Variants in ADAMTSL1 observed in about 807,000 individuals in gnomAD.
ADAMTSL1 encodes ADAMTS like 1.
A neutral mutation model predicts 201.8 loss-of-function variants in ADAMTSL1; 126 were observed. The observed-to-expected ratio is 0.62, with a 90% CI of 0.54 to 0.72. ADAMTSL1 has a LOEUF of 0.72. Ranked by LOEUF, ADAMTSL1 falls within the 30% of genes least tolerant of loss-of-function variation. The pLI is 0.00. For missense variants in ADAMTSL1, 2,679 were observed against 2,277.8 expected, an observed-to-expected ratio of 1.18 and a Z score of -3.59; for synonymous variants, 1,121 against 903.4, an observed-to-expected ratio of 1.24 and a Z score of -4.32.
At chr9:18,824,962 C>T (rs1362114786) in intron 21 of ADAMTSL1, among the ~76,000 whole-genome samples, 2 of 152,090 alleles carry the variant, frequency 1.3e-5, no homozygotes, top group Non-Finnish European at 2.9e-5. Context: ...TCCCAAAGTG[C>T]TGGGATTACA....
intron 1 of ADAMTSL1, among the ~76,000 whole-genome samples, chr9:18,118,663 A>T (rs1439589677): frequency 5.9e-5 from 9 of 152,196 alleles, no homozygotes; most frequent in Non-Finnish European, 1.3e-4. Flanking sequence ...TAGAATGCAG[A>T]TGGGACAATT....
At chr9:17,932,942 T>C (rs1288861434) in intron 1 of ADAMTSL1, among the ~76,000 whole-genome samples, 1 of 152,144 alleles carries the variant, frequency 6.6e-6, no homozygotes, top group Non-Finnish European at 1.5e-5. Context: ...CTTCCTATTA[T>C]CTGGATTTGA....
intron 1 of ADAMTSL1, among the ~76,000 whole-genome samples, chr9:17,991,180 C>T (rs757591014): frequency 6.6e-6 from 1 of 152,046 alleles, no homozygotes; most frequent in Non-Finnish European, 1.5e-5. Context: ...ATATTTTGAC[C>T]TCTACTTAAA....
intron 1 of ADAMTSL1, among the ~76,000 whole-genome samples, chr9:18,109,410 A>G (rs984698237): frequency 6.6e-6 from 1 of 152,106 alleles, no homozygotes; most frequent in Admixed American, 6.6e-5. Flanking sequence ...ACTTCTGTGT[A>G]TCATATGTTG....
intron 1 of ADAMTSL1, among the ~76,000 whole-genome samples, chr9:18,163,456 C>T (rs1265723086): frequency 1.3e-5 from 2 of 151,954 alleles, no homozygotes; most frequent in Admixed American, 6.6e-5. Context: ...TTTAACTGGA[C>T]ATGGGGACCC....
chr9:18,878,501 C>T (rs1374848848), intron 23 of ADAMTSL1, among the ~76,000 whole-genome samples: 1 of 152,216 alleles, frequency 6.6e-6, no homozygotes, highest in Non-Finnish European at 1.5e-5. Context: ...TTTTTCTCAG[C>T]TCTCTAAATT....
chr9:18,825,771 G>GT (rs58274847), intron 21 of ADAMTSL1, among the ~76,000 whole-genome samples: 7,106 of 143,690 alleles, frequency 0.049, 183 homozygotes, highest in South Asian at 0.099. Flanking sequence ...ATGTTACCAG[G>GT]TTTTTTTTTT....
chr9:18,568,896 A>C (rs1485649696), intron 3 of ADAMTSL1, among the ~76,000 whole-genome samples: 1 of 152,180 alleles, frequency 6.6e-6, no homozygotes, highest in Non-Finnish European at 1.5e-5. Context: ...TAGGACTACC[A>C]CTGAATATTT....
chr9:18,867,097 A>G (rs1049344315), intron 23 of ADAMTSL1, among the ~76,000 whole-genome samples: 2 of 152,200 alleles, frequency 1.3e-5, no homozygotes, highest in African/African-American at 2.4e-5. Context: ...GAAACTATGT[A>G]CCTCAAGTTC....
Position 18,550,351 on chromosome 9 carries a change from C to T in ADAMTSL1, c.237+17059C>T, listed in dbSNP as rs547621029. ...ATCACACAGACTCCTAAAAGCAGAG[C>T]GCTTTCCTCAGCTGGAGGCAGAAAT... is the stretch of plus-strand genomic sequence containing the variant. On this transcript the variant is annotated intron_variant, in intron 3 of 28. Coordinates refer to ENST00000380548, the MANE Select transcript of ADAMTSL1 (RefSeq NM_001040272.6). Among the ~76,000 whole-genome samples the T allele has an allele frequency of 6.8e-4, 103 of 151,990 alleles. 1 individual carries two copies. The South Asian group carries it at 0.021, about 31-fold the overall frequency.
At chr9:18,057,632 T>C (rs545111307) in intron 1 of ADAMTSL1, among the ~76,000 whole-genome samples, 51 of 152,196 alleles carry the variant, frequency 3.4e-4, no homozygotes, top group Non-Finnish European at 5.4e-4. Context: ...GACCGTGGCC[T>C]ATGGGTCCTG....
At chr9:18,332,258 A>G (rs1835059087) in intron 2 of ADAMTSL1, among the ~76,000 whole-genome samples, 1 of 152,206 alleles carries the variant, frequency 6.6e-6, no homozygotes, top group Non-Finnish European at 1.5e-5. Context: ...TTTATGTACT[A>G]TTTGAGAAAA....
intron 13 of ADAMTSL1, among the ~76,000 whole-genome samples, chr9:18,703,153 T>TTCCCTCTA (rs1201413716): frequency 4.6e-5 from 7 of 152,158 alleles, no homozygotes; most frequent in African/African-American, 1.7e-4. Flanking sequence ...AAAAAAAAAT[T>TTCCCTCTA]TCCCTCTATT....
chr9:17,941,283 T>C (rs886673598), intron 1 of ADAMTSL1, among the ~76,000 whole-genome samples: 13 of 152,116 alleles, frequency 8.5e-5, no homozygotes, highest in African/African-American at 3.1e-4. Context: ...ACTTCTAATT[T>C]ACCCAATGAG....
At chr9:18,649,372 C>T (rs147321688) in intron 7 of ADAMTSL1, among the ~76,000 whole-genome samples, 1,952 of 152,170 alleles carry the variant, frequency 0.013, 48 homozygotes, top group African/African-American at 0.044. Context: ...TCGTCTGAAG[C>T]CTTCTTCTCT....
rs527517961 is a variant in ADAMTSL1, at chr9:18,452,160, G to A, written c.208-52669G>A. 5.9e-5 allele frequency among the ~76,000 whole-genome samples: 9 copies of A among 152,062 alleles called. No homozygotes were observed. In the South Asian group the frequency reaches 1.2e-3, roughly 21 times the overall value. On this transcript the variant is annotated intron_variant, in intron 2 of 29. Transcript: ENST00000680146. ...ACTCCTGACCTCAGGTGATCCACCC[G>A]CCTCAGCCTCCGAAAGTGCTGGGAT...
intron 1 of ADAMTSL1, among the ~76,000 whole-genome samples, chr9:17,937,699 G>T (rs1177847216): frequency 3.9e-5 from 6 of 152,074 alleles, no homozygotes; most frequent in Non-Finnish European, 8.8e-5. Context: ...TGCACTGCTG[G>T]CCATATATTA....
chr9:18,058,834 C>G (rs539196676), intron 1 of ADAMTSL1, among the ~76,000 whole-genome samples: 25 of 152,268 alleles, frequency 1.6e-4, no homozygotes, highest in Middle Eastern at 3.4e-3. Flanking sequence ...AAGAACAATT[C>G]CAGTAAAAGA....
intron 15 of ADAMTSL1, among the ~76,000 whole-genome samples, chr9:18,733,346 A>G (rs1040825526): frequency 6.6e-5 from 10 of 152,158 alleles, no homozygotes; most frequent in African/African-American, 2.2e-4. Context: ...ACAGAGTAAA[A>G]AATTCATTAG....
Sources: allele counts gnomAD v4.1 joint callset (sites outside exome capture counted in the v4.1 genomes callset), GRCh38; gene constraint gnomAD v4.1.1; transcripts MANE v1.5; gene names NCBI Gene and HGNC (gene_info 2026-07-23, HGNC 2026-07-21).